The following GLIS3 variants were observed in gnomAD, a reference collection of about 807,000 sequenced individuals.
GLIS3 encodes zinc finger protein GLIS3.
Under a neutral mutation model 78.6 loss-of-function variants are expected in GLIS3, and 53 were observed. That is an observed-to-expected ratio of 0.67 (90% confidence interval 0.54 to 0.85). The LOEUF (loss-of-function observed/expected upper bound fraction) is 0.85. Among genes scored for constraint, GLIS3 ranks in the 40% least tolerant of loss-of-function variants. The pLI is 0.00. For missense variants in GLIS3, 1,703 were observed against 1,231.1 expected (o/e 1.38, Z -5.74); for synonymous variants, 684 against 509.9 (o/e 1.34, Z -4.60).
intron 2 of GLIS3, among the ~76,000 whole-genome samples, chr9:4,137,079 C>T (rs549205127): frequency 6.2e-4 from 95 of 152,260 alleles, no homozygotes; most frequent in Non-Finnish European, 1.1e-3. Context: ...GCTGTACAGA[C>T]GGCATAGCAG....
the GLIS3 span, among the ~76,000 whole-genome samples, chr9:4,392,255 G>A: frequency 6.6e-6 from 1 of 151,908 alleles, no homozygotes; most frequent in Non-Finnish European, 1.5e-5. Context: ...CGGGGGTCGG[G>A]GGAGGGAGAA....
the GLIS3 span, among the ~76,000 whole-genome samples, chr9:4,438,620 T>C: frequency 2.0e-5 from 3 of 152,204 alleles, no homozygotes; most frequent in African/African-American, 7.2e-5. Flanking sequence ...TCACCTTGAA[T>C]TGTAATAATC....
rs116470292 is a variant in GLIS3 at position 3,939,970 on chromosome 9, A to G, written c.1711-2781T>C. On this transcript the variant is annotated intron_variant, in intron 4 of 10. Coordinates refer to ENST00000381971, the MANE Select transcript of GLIS3 (RefSeq NM_001042413.2). ...GGCACTACACCTGAATGAACTTGTCACATTGACAATTCTGCCGAAAGAGAA... is the reference window on the plus strand; with the variant it reads ...GGCACTACACCTGAATGAACTTGTCGCATTGACAATTCTGCCGAAAGAGAA... 8.2e-3 allele frequency among the ~76,000 whole-genome samples: 1,245 copies of G among 152,370 alleles called. 19 individuals are homozygous for G. Among genetic ancestry groups the G allele is most frequent in the African/African-American group, 0.028 (1,177 of 41,594 alleles).
intron 2 of GLIS3, among the ~76,000 whole-genome samples, chr9:4,228,071 G>T (rs1182063100): frequency 1.3e-5 from 2 of 152,054 alleles, no homozygotes; most frequent in African/African-American, 4.8e-5. Context: ...GAACAAAAGG[G>T]AAGGGGCCAG....
At chr9:3,926,900 C>T (rs916447433) in intron 6 of GLIS3, among the ~76,000 whole-genome samples, 10 of 152,218 alleles carry the variant, frequency 6.6e-5, no homozygotes, top group African/African-American at 2.4e-4. Context: ...GCTGGGATTA[C>T]AGGCGTGAGC....
chr9:4,397,779 G>A, the GLIS3 span, among the ~76,000 whole-genome samples: 17 of 149,770 alleles, frequency 1.1e-4, no homozygotes, highest in Admixed American at 7.3e-4. Flanking sequence ...AGGAGAGGAG[G>A]GGAGGGGAGG....
At chr9:3,930,357 C>G (rs1340903923) in intron 6 of GLIS3, among the ~76,000 whole-genome samples, 1 of 152,224 alleles carries the variant, frequency 6.6e-6, no homozygotes, top group African/African-American at 2.4e-5. Flanking sequence ...TGCAATTTGA[C>G]ATGAGATTAC....
In GLIS3 at chr9:3,828,106, A is replaced by G. The variant is rs969574810; in HGVS notation, c.*166T>C. On this transcript the variant is annotated 3_prime_UTR_variant, in exon 11 of 11. Coordinates refer to ENST00000381971, the MANE Select transcript of GLIS3 (RefSeq NM_001042413.2). Reference sequence around the variant, plus strand: ...AGGAGCAACTGTAATGATTCCTGCAAAGCTAGCTCTGCCATTCAGTCCTGC... The same window carrying G: ...AGGAGCAACTGTAATGATTCCTGCAGAGCTAGCTCTGCCATTCAGTCCTGC... 3.5e-5 allele frequency: 26 copies of G among 740,754 alleles called. No homozygotes were observed. The highest frequency in any genetic ancestry group is 5.5e-5 in the Non-Finnish European group (24 of 436,656). The allele number at this position is 740,754 out of a possible 1,614,324, so 45.9% of individuals were successfully genotyped here.
chr9:4,466,535 T>C, the GLIS3 span, among the ~76,000 whole-genome samples: 1 of 149,820 alleles, frequency 6.7e-6, no homozygotes, highest in Non-Finnish European at 1.5e-5. Flanking sequence ...ATATAAAATT[T>C]TTTTAAATGT....
chr9:4,253,059 G>T (rs1288016149), intron 2 of GLIS3, among the ~76,000 whole-genome samples: 1 of 152,208 alleles, frequency 6.6e-6, no homozygotes, highest in Non-Finnish European at 1.5e-5. Context: ...ACCCCTGATG[G>T]GAGGTGTCTC....
the GLIS3 span, among the ~76,000 whole-genome samples, chr9:4,364,403 A>G: frequency 6.6e-6 from 1 of 152,218 alleles, no homozygotes. Flanking sequence ...TTAAGTGTGA[A>G]CAGTTTCATT....
chr9:4,136,408 A>G (rs1284256552), intron 2 of GLIS3, among the ~76,000 whole-genome samples: 1 of 152,222 alleles, frequency 6.6e-6, no homozygotes, highest in Non-Finnish European at 1.5e-5. Context: ...AGTTGGCCTC[A>G]TGGAGATGTC....
chr9:3,984,023 G>A (rs1008685875), intron 4 of GLIS3, among the ~76,000 whole-genome samples: 2 of 152,230 alleles, frequency 1.3e-5, no homozygotes, highest in Non-Finnish European at 2.9e-5. Flanking sequence ...CCTATCACAG[G>A]CCCCGAGGCC....
At chr9:4,338,063 T>TGTGTGTGTG in intron 2 of GLIS3, among the ~76,000 whole-genome samples, 1 of 148,148 alleles carries the variant, frequency 6.8e-6, no homozygotes, top group African/African-American at 2.5e-5. Flanking sequence ...TGTGTGTGTG[T>TGTGTGTGTG]TTAGTTTTGA....
chr9:3,962,771 G>T (rs1817653333), intron 4 of GLIS3, among the ~76,000 whole-genome samples: 1 of 152,120 alleles, frequency 6.6e-6, no homozygotes, highest in Non-Finnish European at 1.5e-5. Context: ...GATGTCATTT[G>T]GTCTTCACTC....
At chr9:4,385,741 G>C in the GLIS3 span, among the ~76,000 whole-genome samples, 6 of 43,994 alleles carry the variant, frequency 1.4e-4, 1 homozygote, top group Non-Finnish European at 2.0e-4. Context: ...GAAAGAAAAA[G>C]AAAGAAAGAA....
At chr9:4,416,811 A>AGTTT in the GLIS3 span, among the ~76,000 whole-genome samples, 4 of 64,552 alleles carry the variant, frequency 6.2e-5, no homozygotes, top group East Asian at 1.3e-3. Context: ...TCCCATAGTC[A>AGTTT]GTTTTTTTTT....
At chr9:4,332,955 C>T (rs1231677649) in intron 2 of GLIS3, among the ~76,000 whole-genome samples, 1 of 152,206 alleles carries the variant, frequency 6.6e-6, no homozygotes, top group African/African-American at 2.4e-5. Context: ...AATCTTGATT[C>T]AATGTTAACG....
the GLIS3 span, among the ~76,000 whole-genome samples, chr9:4,362,587 A>C: frequency 3.6e-4 from 55 of 152,340 alleles, no homozygotes; most frequent in Non-Finnish European, 6.6e-4. Context: ...GCTCATGGTC[A>C]TGTGTTTGCT....
Sources: gnomAD v4.1 joint callset for allele counts (sites outside exome capture counted in the v4.1 genomes callset) on GRCh38, gnomAD v4.1.1 for gene constraint, MANE v1.5 for transcripts, NCBI Gene and HGNC (gene_info 2026-07-23, HGNC 2026-07-21) for gene names.